Variants in PTPRD observed in about 807,000 individuals in gnomAD.
PTPRD encodes the protein protein tyrosine phosphatase receptor type D, also known as receptor-type tyrosine-protein phosphatase delta.
PTPRD carries 34 observed loss-of-function variants against 214.5 expected under a neutral mutation model. That is an observed-to-expected ratio of 0.16 (90% CI 0.12 to 0.21). PTPRD has a LOEUF of 0.21. PTPRD is among the 10% of genes least tolerant of loss of function. The pLI is 1.00. For missense variants in PTPRD, 2,545 were observed against 2,398.7 expected (o/e 1.06, Z -1.27); for synonymous variants, 1,128 against 845.7 (o/e 1.33, Z -5.79).
intron 2 of PTPRD, among the ~76,000 whole-genome samples, chr9:10,500,484 A>T (rs1407177718): frequency 6.6e-6 from 1 of 151,936 alleles, no homozygotes; most frequent in Non-Finnish European, 1.5e-5. Context: ...CATGTAATGG[A>T]TAATAATCCC....
intron 12 of PTPRD, among the ~76,000 whole-genome samples, chr9:8,703,980 G>T (rs928221576): frequency 6.6e-6 from 1 of 152,166 alleles, no homozygotes; most frequent in Non-Finnish European, 1.5e-5. Flanking sequence ...AAATCTGGGA[G>T]TCATCCTTGA....
At chr9:9,846,120 C>T (rs761580344) in intron 5 of PTPRD, among the ~76,000 whole-genome samples, 5 of 152,092 alleles carry the variant, frequency 3.3e-5, no homozygotes, top group Non-Finnish European at 5.9e-5. Context: ...GTTATCTAAA[C>T]GTTAAATAGG....
At chr9:9,188,474 C>G (rs1012818845) in intron 9 of PTPRD, among the ~76,000 whole-genome samples, 1 of 152,024 alleles carries the variant, frequency 6.6e-6, no homozygotes, top group African/African-American at 2.4e-5. Flanking sequence ...TTATACTTTT[C>G]CTGCAATATA....
chr9:9,298,338 C>T (rs1174264500), intron 9 of PTPRD, among the ~76,000 whole-genome samples: 1 of 151,448 alleles, frequency 6.6e-6, no homozygotes, highest in Non-Finnish European at 1.5e-5. Flanking sequence ...TATGCTGATT[C>T]CCTGGAATGC....
intron 3 of PTPRD, among the ~76,000 whole-genome samples, chr9:10,126,590 A>G (rs1426597889): frequency 6.6e-6 from 1 of 152,052 alleles, no homozygotes; most frequent in Non-Finnish European, 1.5e-5. Flanking sequence ...ATACTCTTCT[A>G]TTTTCCCCTT....
chr9:8,597,361 A>G (rs895750304), intron 14 of PTPRD, among the ~76,000 whole-genome samples: 2 of 152,158 alleles, frequency 1.3e-5, no homozygotes, highest in Non-Finnish European at 2.9e-5. Context: ...TCCCCTTACC[A>G]ATTATGTTTC....
chr9:9,323,678 T>G (rs796225855), intron 9 of PTPRD, among the ~76,000 whole-genome samples: 1 of 152,104 alleles, frequency 6.6e-6, no homozygotes, highest in Non-Finnish European at 1.5e-5. Flanking sequence ...GGCAGTTCCA[T>G]ATGCATTCTC....
intron 11 of PTPRD, among the ~76,000 whole-genome samples, chr9:8,973,236 A>G (rs923370805): frequency 2.6e-5 from 4 of 151,562 alleles, no homozygotes; most frequent in African/African-American, 9.7e-5. Context: ...CCTCTAATCA[A>G]CTGCCAAGTC....
At position 8,521,370 on chromosome 9, in the gene PTPRD, C is replaced by T. The variant is rs2138871542; in HGVS notation, c.868G>A (p.Glu290Lys). 2 of 1,613,998 alleles carry T rather than the reference C, an allele frequency of 1.2e-6. No homozygotes were observed. The highest frequency in any genetic ancestry group is 1.7e-6 in the Non-Finnish European group (2 of 1,179,942). ...GCTGACTGTCTTACATCATTCAGTT[C>T]TAGCACATTTCTTCCTATTGGCATA... is the stretch of plus-strand genomic sequence containing the variant. The part of the protein sequence containing the change: ...DDMPIGRNVL[E>K]LNDVRQSANY... The change falls in exon 20 of 46, where the codon GAA becomes AAA. Residue 290 changes from glutamate to lysine, a missense_variant. Glu to Lys is a moderately conservative substitution (Grantham distance 56, BLOSUM62 1). Transcript: ENST00000381196.
At chr9:10,134,310 T>A (rs1418495352) in intron 3 of PTPRD, among the ~76,000 whole-genome samples, 1 of 152,036 alleles carries the variant, frequency 6.6e-6, no homozygotes, top group East Asian at 1.9e-4. Context: ...CTCATTGGGG[T>A]TAAGGAAATA....
chr9:9,937,461 T>A (rs932511785), intron 5 of PTPRD, among the ~76,000 whole-genome samples: 1 of 151,578 alleles, frequency 6.6e-6, no homozygotes, highest in Non-Finnish European at 1.5e-5. Flanking sequence ...ATTTTACTAT[T>A]AGAAAAAATA....
At chr9:8,742,051 C>A (rs919025110) in intron 11 of PTPRD, among the ~76,000 whole-genome samples, 1 of 152,038 alleles carries the variant, frequency 6.6e-6, no homozygotes, top group Non-Finnish European at 1.5e-5. Flanking sequence ...TGCACCTGTT[C>A]CAAAATTTCA....
rs1335607073 is a variant in PTPRD at position 8,498,583 on chromosome 9, A to G, written c.2322+1064T>C. Among the ~76,000 whole-genome samples, 6 of 152,218 alleles carry G rather than the reference A, an allele frequency of 3.9e-5. No individual in the cohort carries two copies. In the South Asian group the frequency reaches 1.2e-3, roughly 32 times the overall value. ...GGTGCCGCAGTTTTCAACTTGCTTCATAACCTTTCCAACTTTCACACAAAG... is the reference window on the plus strand; with the variant it reads ...GGTGCCGCAGTTTTCAACTTGCTTCGTAACCTTTCCAACTTTCACACAAAG... On this transcript the variant is annotated intron_variant, in intron 25 of 45. Transcript: ENST00000381196.
chr9:9,890,330 G>A lies in PTPRD; in HGVS notation c.-368+48177C>T, dbSNP rs577914912. Among the ~76,000 whole-genome samples, 10 of 151,720 alleles carry A rather than the reference G, an allele frequency of 6.6e-5. No homozygotes were observed. The South Asian group carries it at 1.0e-3, about 16-fold the overall frequency. ...TCCCACCACAGCCTCCCCAATACCT[G>A]TAACTACAAGTGTTCCCTCCACGCC... is the stretch of plus-strand genomic sequence containing the variant. On this transcript the variant is annotated intron_variant, in intron 5 of 45. Coordinates refer to ENST00000381196, the MANE Select transcript of PTPRD (RefSeq NM_002839.4).
At chr9:9,505,593 T>A (rs1251257217) in intron 8 of PTPRD, among the ~76,000 whole-genome samples, 2 of 151,414 alleles carry the variant, frequency 1.3e-5, no homozygotes, top group Non-Finnish European at 3.0e-5. Flanking sequence ...GCAAAGGATA[T>A]ATTCCTTGTC....
At chr9:9,625,808 A>G (rs1221723829) in intron 7 of PTPRD, among the ~76,000 whole-genome samples, 1 of 152,180 alleles carries the variant, frequency 6.6e-6, no homozygotes, top group African/African-American at 2.4e-5. Flanking sequence ...TAATTGTAGA[A>G]AGAATGGAGG....
At chr9:9,086,904 C>T (rs1263041531) in intron 10 of PTPRD, among the ~76,000 whole-genome samples, 1 of 151,952 alleles carries the variant, frequency 6.6e-6, no homozygotes, top group Non-Finnish European at 1.5e-5. Context: ...TGTGTAGGTA[C>T]CATACAATAG....
At chr9:8,416,254 A>G (rs2093929019) in intron 35 of PTPRD, among the ~76,000 whole-genome samples, 1 of 152,192 alleles carries the variant, frequency 6.6e-6, no homozygotes. Flanking sequence ...ATGAAACAGT[A>G]CTTTTGTTAA....
intron 8 of PTPRD, among the ~76,000 whole-genome samples, chr9:9,536,892 C>A (rs1392433299): frequency 6.6e-6 from 1 of 151,926 alleles, no homozygotes; most frequent in African/African-American, 2.4e-5. Flanking sequence ...TCCTTTTCAA[C>A]GACAGTTATG....
Sources: gnomAD v4.1 joint callset for allele counts (sites outside exome capture counted in the v4.1 genomes callset) on GRCh38, gnomAD v4.1.1 for gene constraint, MANE v1.5 for transcripts, NCBI Gene and HGNC (gene_info 2026-07-23, HGNC 2026-07-21) for gene names.